THOC6: variants seen among roughly 807,000 people sequenced by gnomAD.
THOC6 encodes THO complex 6.
A neutral mutation model predicts 55.8 loss-of-function variants in THOC6; 39 were observed. The observed-to-expected ratio is 0.70, with a 90% CI of 0.54 to 0.91. The LOEUF is 0.91. Ranked by LOEUF, THOC6 falls within the 40% of genes least tolerant of loss-of-function variation. The pLI is 0.00. For missense variants in THOC6, 482 were observed against 442.0 expected, an observed-to-expected ratio of 1.09 and a Z score of -0.81; for synonymous variants, 192 against 175.6, an observed-to-expected ratio of 1.09 and a Z score of -0.74.
rs374856227 is a variant in THOC6 at position 3,027,526 on chromosome 16, G to T, written c.945+26G>T. 3.1e-6 allele frequency: 5 copies of T among 1,611,736 alleles called. No homozygotes were observed. The African/African-American group carries it at 6.7e-5, about 22-fold the overall frequency. On this transcript the variant is annotated intron_variant, in intron 12 of 12. Transcript: ENST00000326266. ...GTGGGTCCGGCAGGGGCCGCGGAGCGGCTGGGAGGCAGGGGTGTGGGCAGG... is the reference window on the plus strand; with the variant it reads ...GTGGGTCCGGCAGGGGCCGCGGAGCTGCTGGGAGGCAGGGGTGTGGGCAGG...
At position 3,026,176 on chromosome 16, in the gene THOC6, C is replaced by G. The variant is rs368634542; in HGVS notation, c.324+10C>G. 7 of 1,611,198 alleles carry G rather than the reference C, an allele frequency of 4.3e-6. No homozygotes were observed. Among genetic ancestry groups the G allele is most frequent in the Non-Finnish European group, 5.9e-6 (7 of 1,178,164 alleles). On this transcript the variant is annotated intron_variant, in intron 4 of 12. Transcript: ENST00000326266. Reference sequence around the variant, plus strand: ...GGAGATGCTCAAGAAGGTAAGGAGTCGAGCTTGGGAAAGGGCTGGGGTGCC... The same window carrying G: ...GGAGATGCTCAAGAAGGTAAGGAGTGGAGCTTGGGAAAGGGCTGGGGTGCC...
At position 3,027,703 on chromosome 16, in the gene THOC6, C is replaced by A; in HGVS notation, c.*46C>A. On this transcript the variant is annotated 3_prime_UTR_variant, in exon 13 of 13. Transcript: ENST00000326266. Reference sequence around the variant, plus strand: ...CAGCTCAGGGTTTTAGAGTGTTTTTCATTTTCTTTTTTTTTTTTTTTTTAC... The same window carrying A: ...CAGCTCAGGGTTTTAGAGTGTTTTTAATTTTCTTTTTTTTTTTTTTTTTAC... 1.8e-4 allele frequency: 236 copies of A among 1,304,850 alleles called. No individual in the cohort carries two copies. Among genetic ancestry groups the A allele is most frequent in the Non-Finnish European group, 2.2e-4 (214 of 959,580 alleles). The allele number at this position is 1,304,850 out of a possible 1,614,324, so 80.8% of individuals were successfully genotyped here.
chr16:3,024,837 G>A (rs1012214207), intron 1 of THOC6, among the ~76,000 whole-genome samples: 1 of 151,160 alleles, frequency 6.6e-6, no homozygotes, highest in African/African-American at 2.4e-5. Flanking sequence ...GTTTCACCAT[G>A]TTGACCAGGC....
At position 3,026,915 on chromosome 16, in the gene THOC6, A is replaced by T. The variant is rs750775841; in HGVS notation, c.635A>T (p.Glu212Val). Reference protein sequence around the residue: ...EVQTIEVYKHEECSRPHNGRW... With the variant: ...EVQTIEVYKHVECSRPHNGRW... Reference sequence around the variant, plus strand: ...CAGACGATCGAGGTCTATAAGCACGAGGTGAGGGTGTGACCGTGGCCATTG... The same window carrying T: ...CAGACGATCGAGGTCTATAAGCACGTGGTGAGGGTGTGACCGTGGCCATTG... Residue 212 changes from glutamate to valine, a missense_variant and splice_region_variant, in exon 9 of 13, where the codon GAG becomes GTG. Glu to Val is a moderately radical substitution (Grantham distance 121). Coordinates refer to ENST00000326266, the MANE Select transcript of THOC6 (RefSeq NM_024339.5). 1.2e-6 allele frequency: 2 copies of T among 1,614,156 alleles called. No individual in the cohort carries two copies. Among genetic ancestry groups the T allele is most frequent in the Non-Finnish European group, 1.7e-6 (2 of 1,180,016 alleles).
At chr16:3,025,197 C>T (rs2072754597) in intron 1 of THOC6, among the ~76,000 whole-genome samples, 1 of 149,574 alleles carries the variant, frequency 6.7e-6, no homozygotes, top group African/African-American at 2.5e-5. Flanking sequence ...CTGCCTTGGC[C>T]TGCCAAAGTG....
In THOC6 at chr16:3,025,966, G is replaced by T; in HGVS notation, c.198G>T (p.Lys66Asn). 1 of 1,614,236 alleles carries T rather than the reference G, an allele frequency of 6.2e-7. No homozygotes were observed. The highest frequency in any genetic ancestry group is 1.1e-5 in the South Asian group (1 of 91,092). Reference protein sequence around the residue: ...ALSSEAKEESKKPVVTFQAHD... With the variant: ...ALSSEAKEESNKPVVTFQAHD... ...GCTCAGAAGCCAAAGAGGAAAGTAA[G>T]AAGCCGGTGGTGACTTTCCAAGGTG... Residue 66 changes from lysine to asparagine, a missense_variant, in exon 3 of 13, where the codon AAG becomes AAT. Lys to Asn is a moderately conservative substitution (Grantham distance 94). Transcript: ENST00000326266.
Position 3,024,368 on chromosome 16 carries a change from G to C in THOC6, c.39+3G>C, listed in dbSNP as rs1311137376. The C allele has an allele frequency of 6.2e-7, 1 of 1,614,048 alleles. No homozygotes were observed. Among genetic ancestry groups the C allele is most frequent in the Non-Finnish European group, 8.5e-7 (1 of 1,180,018 alleles). On this transcript the variant is annotated splice_donor_region_variant and intron_variant, in intron 1 of 12. Coordinates refer to ENST00000326266, the MANE Select transcript of THOC6 (RefSeq NM_024339.5). ...CGCTCGCGGTGCCTCTGGGTCAGGT[G>C]AGACGGACGTGGTGCGCGTTGCCTT...
At position 3,027,455 on chromosome 16, in the gene THOC6, G is replaced by T. The variant is rs2072828791; in HGVS notation, c.900G>T (p.Leu300=). 8 of 1,610,916 alleles carry T rather than the reference G, an allele frequency of 5.0e-6. No homozygotes were observed. Among genetic ancestry groups the T allele is most frequent in the Non-Finnish European group, 6.8e-6 (8 of 1,178,830 alleles). The change falls in exon 12 of 13, where the codon CTG becomes CTT. Residue 300 remains leucine (L), a synonymous_variant. Transcript: ENST00000326266. ...AGGTGCCTGGCTCCTCCCCAGGGCT[G>T]CTCAGCCTCAGCCTCAACCAGCAGC... ...KAQVPGSSPG[L]LSLSLNQQPA... is the part of the protein sequence containing the mutation.
rs2072785611 is a variant in THOC6, at chr16:3,026,162, AG to A, written c.321del (p.Lys108ArgfsTer163). Reference protein sequence around the residue: ...VKAWLWAEMLKKGCKELWRRQ... With the variant: ...VKAWLWAEMLXKGCKELWRRQ... Reference sequence around the variant, plus strand: ...GCCTGGCTTTGGGCGGAGATGCTCAAGAAGGTAAGGAGTCGAGCTTGGGAAA... The same window carrying A: ...GCCTGGCTTTGGGCGGAGATGCTCAAAAGGTAAGGAGTCGAGCTTGGGAAA... On this transcript the variant is annotated frameshift_variant, in exon 4 of 13. Transcript: ENST00000326266. LOFTEE classifies it high-confidence loss of function. The A allele has an allele frequency of 6.2e-7, 1 of 1,609,762 alleles. No homozygotes were observed. The highest frequency in any genetic ancestry group is 8.5e-7 in the Non-Finnish European group (1 of 1,177,046).
At position 3,024,136 on chromosome 16, in the gene THOC6, C is replaced by T. The variant is rs1236640699; in HGVS notation, c.-191C>T. 17 of 722,086 alleles carry T rather than the reference C, an allele frequency of 2.4e-5. No homozygotes were observed. Among genetic ancestry groups the T allele is most frequent in the South Asian group, 8.8e-5 (5 of 56,896 alleles). The allele number at this position is 722,086 out of a possible 1,614,324, so 44.7% of individuals were successfully genotyped here. A position where few individuals can be genotyped will look rare whatever the true frequency, so the allele number is the denominator to read the frequency against. ...GAGGGTATCCGGCTTAAGGGGGCTG[C>T]GGTGGACACCACTTCTTAATGTCGG... On this transcript the variant is annotated 5_prime_UTR_variant, in exon 1 of 13. Transcript: ENST00000326266.
Position 3,026,264 on chromosome 16 carries a change from T to G in THOC6, c.338T>G (p.Leu113Arg). Residue 113 changes from leucine (L) to arginine (R), a missense_variant, in exon 5 of 13, where the codon CTG (leucine) becomes CGG (arginine). Physicochemically the swap from Leu to Arg is moderately radical, Grantham distance 102. Transcript: ENST00000326266. ...TCTCTTTTGAAGGGCTGTAAGGAGC[T>G]GTGGCGTCGTCAGCCTCCATACAGG... Reference protein sequence around the residue: ...AEMLKKGCKELWRRQPPYRTS... With the variant: ...AEMLKKGCKERWRRQPPYRTS... 6.2e-7 allele frequency: 1 copy of G among 1,614,134 alleles called. No individual in the cohort carries two copies. Among genetic ancestry groups the G allele is most frequent in the Non-Finnish European group, 8.5e-7 (1 of 1,180,020 alleles).
Position 3,027,584 on chromosome 16 carries a change from C to G in THOC6, c.953C>G (p.Thr318Arg). ...TGCCCCTCTTTCCTCCAGGTCCTGACAGCTGCAGGCAACAGCTGCCGGGTG... is the reference window on the plus strand; with the variant it reads ...TGCCCCTCTTTCCTCCAGGTCCTGAGAGCTGCAGGCAACAGCTGCCGGGTG... The part of the protein sequence containing the change: ...QPAAPECKVL[T>R]AAGNSCRVDV... Residue 318 changes from threonine to arginine, a missense_variant, in exon 13 of 13, where the codon ACA becomes AGA. Physicochemically the swap from Thr to Arg is moderately conservative, Grantham distance 71. Coordinates refer to ENST00000326266, the MANE Select transcript of THOC6 (RefSeq NM_024339.5). 1 of 1,614,050 alleles carries G rather than the reference C, an allele frequency of 6.2e-7. No homozygotes were observed. Among genetic ancestry groups the G allele is most frequent in the Non-Finnish European group, 8.5e-7 (1 of 1,179,988 alleles).
intron 11 of THOC6, 29 bp from the exon 12 acceptor site, chr16:3,027,322 TCCCTTCAGTCCTGAC>T: frequency 6.2e-7 from 1 of 1,614,060 alleles, no homozygotes; most frequent in Non-Finnish European, 8.5e-7. Flanking sequence ...CACTGACTCT[TCCCTTCAGTCCTGAC>T]CCCTGAGCAC....
Position 3,026,872 on chromosome 16 carries a change from C to T in THOC6, c.592C>T (p.Arg198Cys), listed in dbSNP as rs780815492. 5.6e-6 allele frequency: 9 copies of T among 1,614,198 alleles called. No individual in the cohort carries two copies. The highest frequency in any genetic ancestry group is 5.0e-5 in the Admixed American group (3 of 60,022). ...EDGAVRLWDLRTAKEVQTIEV... is the reference protein window; with the variant it reads ...EDGAVRLWDLCTAKEVQTIEV... ...TCACAGTTCTTTCCCCGCAGACCTG[C>T]GCACAGCCAAGGAGGTCCAGACGAT... The change falls in exon 9 of 13, where the codon CGC becomes TGC. Residue 198 changes from arginine to cysteine, a missense_variant. Physicochemically the swap from Arg to Cys is radical, Grantham distance 180. Transcript: ENST00000326266.
In THOC6 at chr16:3,026,764, G is replaced by A. The variant is rs199795381; in HGVS notation, c.569G>A (p.Gly190Glu). Residue 190 changes from glycine to glutamate, a missense_variant, in exon 8 of 13, where the codon GGA becomes GAA. Transcript: ENST00000326266. ...SPEVLSGGED[G>E]AVRLWDLRTA... ...GAGGTGCTGTCAGGTGGCGAGGATG[G>A]AGCTGTTCGACTTTGGGGTAAGCAG... 2.1e-4 allele frequency: 343 copies of A among 1,613,836 alleles called. No individual in the cohort carries two copies. Among genetic ancestry groups the A allele is most frequent in the Non-Finnish European group, 2.8e-4 (333 of 1,179,918 alleles).
Position 3,027,028 on chromosome 16 carries a change from C to T in THOC6, c.654C>T (p.His218=), listed in dbSNP as rs373780800. 12 of 1,614,212 alleles carry T rather than the reference C, an allele frequency of 7.4e-6. No individual in the cohort carries two copies. The highest frequency in any genetic ancestry group is 3.3e-4 in the Middle Eastern group (2 of 6,062). Reference sequence around the variant, plus strand: ...CATCCCAGGAGTGCTCGAGGCCCCACAATGGGCGCTGGATTGGATGTTTGG... The same window carrying T: ...CATCCCAGGAGTGCTCGAGGCCCCATAATGGGCGCTGGATTGGATGTTTGG... The part of the protein sequence containing the change: ...VYKHEECSRP[H]NGRWIGCLAT... Residue 218 remains histidine, a synonymous_variant, in exon 10 of 13, where the codon CAC becomes CAT. Coordinates refer to ENST00000326266, the MANE Select transcript of THOC6 (RefSeq NM_024339.5).
At position 3,026,284 on chromosome 16, in the gene THOC6, T is replaced by C. The variant is rs921483179; in HGVS notation, c.358T>C (p.Tyr120His). The C allele has an allele frequency of 6.2e-7, 1 of 1,614,132 alleles. No homozygotes were observed. The highest frequency in any genetic ancestry group is 8.5e-7 in the Non-Finnish European group (1 of 1,180,022). Reference sequence around the variant, plus strand: ...GGAGCTGTGGCGTCGTCAGCCTCCATACAGGTGAGCAGGGCCACGTGGATA... The same window carrying C: ...GGAGCTGTGGCGTCGTCAGCCTCCACACAGGTGAGCAGGGCCACGTGGATA... ...CKELWRRQPP[Y>H]RTSLEVPEIN... The change falls in exon 5 of 13, where the codon TAC (tyrosine) becomes CAC (histidine). Residue 120 changes from tyrosine to histidine, a missense_variant. By Grantham distance (83) the Tyr-to-His change is moderately conservative (BLOSUM62 2). Coordinates refer to ENST00000326266, the MANE Select transcript of THOC6 (RefSeq NM_024339.5).
intron 1 of THOC6, 56 bp downstream of exon 1, chr16:3,024,421 G>T: frequency 1.2e-6 from 2 of 1,607,786 alleles, no homozygotes; most frequent in Non-Finnish European, 1.7e-6. Context: ...CGCATGGCTG[G>T]GACGGGGCGG....
chr16:3,024,045 G>T lies in THOC6; in HGVS notation c.-282G>T. 1.0e-6 allele frequency: 1 copy of T among 958,812 alleles called. No homozygotes were observed. Among genetic ancestry groups the T allele is most frequent in the Non-Finnish European group, 1.5e-6 (1 of 657,994 alleles). The allele number at this position is 958,812 out of a possible 1,614,324, so 59.4% of individuals were successfully genotyped here. ...TGGCTTTAGGCGGGCACAGCCGCGA[G>T]GTTCTGCGCGGGCGCGGAAGACGGG... On this transcript the variant is annotated 5_prime_UTR_variant, in exon 1 of 13. In the 5' UTR this introduces an upstream ATG that the reference lacks. Coordinates refer to ENST00000326266, the MANE Select transcript of THOC6 (RefSeq NM_024339.5).
Sources: allele counts gnomAD v4.1 joint callset (sites outside exome capture counted in the v4.1 genomes callset), GRCh38; gene constraint gnomAD v4.1.1; transcripts MANE v1.5; gene names NCBI Gene and HGNC (gene_info 2026-07-23, HGNC 2026-07-21).